Variants in NOD1 observed in about 807,000 individuals in gnomAD.
The protein encoded by NOD1 is nucleotide binding oligomerization domain containing 1.
Under a neutral mutation model 81.2 loss-of-function variants are expected in NOD1, and 70 were observed. That is an observed-to-expected ratio of 0.86 (90% CI 0.71 to 1.05). The LOEUF (loss-of-function observed/expected upper bound fraction) is 1.05. NOD1 is among the 50% of genes least tolerant of loss of function. The probability of loss-of-function intolerance (pLI) is 0.00; values close to 1 mark genes in which losing one functional copy is unlikely to be tolerated. For missense variants in NOD1, 1,233 were observed against 1,228.0 expected, an observed-to-expected ratio of 1.00 and a Z score of -0.06; for synonymous variants, 508 against 526.9, an observed-to-expected ratio of 0.96 and a Z score of 0.49.
chr7:30,452,801 C>A lies in NOD1; in HGVS notation c.616G>T (p.Val206Leu). Residue 206 changes from valine (V) to leucine (L), a missense_variant, in exon 6 of 14, where the codon GTG (valine) becomes TTG (leucine). Physicochemically the swap from Val to Leu is conservative, Grantham distance 32. Transcript: ENST00000222823. Reference protein sequence around the residue: ...ETIFILGDAGVGKSMLLQRLQ... With the variant: ...ETIFILGDAGLGKSMLLQRLQ... ...CGCTGTAGCAGCATGGACTTGCCCA[C>A]CCCAGCATCACCCAGGATGAAGATG... The A allele has an allele frequency of 6.2e-7, 1 of 1,614,174 alleles. No homozygotes were observed. Among genetic ancestry groups the A allele is most frequent in the South Asian group, 1.1e-5 (1 of 91,086 alleles).
intron 13 of NOD1, among the ~76,000 whole-genome samples, chr7:30,428,890 T>C (rs1356397790): frequency 6.6e-5 from 10 of 151,990 alleles, no homozygotes; most frequent in Non-Finnish European, 1.5e-4. Context: ...TCTATTAGCA[T>C]AAGGAAGTTC....
intron 13 of NOD1, among the ~76,000 whole-genome samples, chr7:30,428,343 G>A (rs1469306552): frequency 6.6e-6 from 1 of 151,908 alleles, no homozygotes; most frequent in East Asian, 1.9e-4. Context: ...TTACAGGCAT[G>A]AGCCACCATG....
chr7:30,448,356 C>T lies in NOD1; in HGVS notation c.2227G>A (p.Gly743Ser), dbSNP rs147294540. The stretch of plus-strand genomic sequence containing the variant: ...TCTTCGCTTAGCACCTTTACCCCAC[C>T]GTCAGTGATCTGGTTTACGCTGAGT... ...LRLSVNQITD[G>S]GVKVLSEELT... Residue 743 changes from glycine (G) to serine (S), a missense_variant, in exon 7 of 14, where the codon GGT becomes AGT. Transcript: ENST00000222823. 4.4e-5 allele frequency: 71 copies of T among 1,614,154 alleles called. No homozygotes were observed. Among genetic ancestry groups the T allele is most frequent in the East Asian group, 3.3e-4 (15 of 44,888 alleles).
At chr7:30,459,653 G>A (rs970334353) in intron 2 of NOD1, among the ~76,000 whole-genome samples, 5 of 152,124 alleles carry the variant, frequency 3.3e-5, no homozygotes, top group African/African-American at 7.2e-5. Context: ...CCAGGGTTGG[G>A]GCCTGTTTTC....
rs1291845296 is a variant in NOD1 at position 30,451,593 on chromosome 7, C to T, written c.1824G>A (p.Val608=). The stretch of plus-strand genomic sequence containing the variant: ...GCTTTCTCCTCAGGGCTGCCGCGGG[C>T]ACCAGATGCCGCAGGAGTTTCTGTT... ...KAKQKLLRHL[V]PAAALRRKRK... Residue 608 remains valine, a synonymous_variant, in exon 6 of 14, where the codon GTG becomes GTA. Coordinates refer to ENST00000222823, the MANE Select transcript of NOD1 (RefSeq NM_006092.4). The surrounding 1 kb of genome is among the most constrained non-coding windows in gnomAD (Gnocchi z 4.2). The T allele has an allele frequency of 6.8e-6, 11 of 1,613,668 alleles. No individual in the cohort carries two copies. Among genetic ancestry groups the T allele is most frequent in the Non-Finnish European group, 9.3e-6 (11 of 1,179,998 alleles).
In NOD1 at chr7:30,452,559, C is replaced by T. The variant is rs746739612; in HGVS notation, c.858G>A (p.Leu286=). ...GGTCCAAGTCCGAGTGCAGCTCGTC[C>T]AGGCCATCGAAGGTGAAGAGGGCCA... ...PHVALFTFDG[L]DELHSDLDLS... Residue 286 remains leucine (L), a synonymous_variant, in exon 6 of 14, where the codon CTG becomes CTA. Coordinates refer to ENST00000222823, the MANE Select transcript of NOD1 (RefSeq NM_006092.4). 18 of 1,613,142 alleles carry T rather than the reference C, an allele frequency of 1.1e-5. No homozygotes were observed. The Admixed American group carries it at 2.3e-4, about 21-fold the overall frequency.
intron 1 of NOD1, among the ~76,000 whole-genome samples, chr7:30,473,680 C>A (rs1358018433): frequency 6.6e-6 from 1 of 152,104 alleles, no homozygotes; most frequent in Non-Finnish European, 1.5e-5. Flanking sequence ...TCTTTGGAAG[C>A]AGGGGCTCTG....
intron 1 of NOD1, among the ~76,000 whole-genome samples, chr7:30,472,928 T>C (rs548005190): frequency 1.2e-4 from 18 of 152,246 alleles, no homozygotes; most frequent in Admixed American, 2.6e-4. Flanking sequence ...TTTCATTCAT[T>C]GCTGTAATCC....
At chr7:30,426,836 G>A (rs968147321) in intron 13 of NOD1, among the ~76,000 whole-genome samples, 2 of 152,030 alleles carry the variant, frequency 1.3e-5, no homozygotes, top group African/African-American at 2.4e-5. Context: ...TGTTCCCTAC[G>A]CAGAATACTC....
Position 30,447,030 on chromosome 7 carries a change from G to T in NOD1, c.2306C>A (p.Thr769Asn), listed in dbSNP as rs1785175412. Residue 769 changes from threonine to asparagine, a missense_variant, in exon 8 of 14, where the codon ACC (threonine) becomes AAC (asparagine). Physicochemically the swap from Thr to Asn is moderately conservative, Grantham distance 65. Coordinates refer to ENST00000222823, the MANE Select transcript of NOD1 (RefSeq NM_006092.4). ...TYLGLYNNQI[T>N]DVGARYVTKI... ...GGTGACGTACCTGGCTCCGACATCGGTGATCTGGTTGTTGTATAAACTTCA... is the reference window on the plus strand; with the variant it reads ...GGTGACGTACCTGGCTCCGACATCGTTGATCTGGTTGTTGTATAAACTTCA... 1 of 1,614,154 alleles carries T rather than the reference G, an allele frequency of 6.2e-7. No individual in the cohort carries two copies. The highest frequency in any genetic ancestry group is 2.2e-5 in the East Asian group (1 of 44,894).
rs558703010 is a variant in NOD1 at position 30,455,029 on chromosome 7, C to T, written c.376+108G>A. The T allele has an allele frequency of 3.7e-6, 4 of 1,085,558 alleles. No individual in the cohort carries two copies. In the South Asian group the frequency reaches 5.8e-5, roughly 16 times the overall value. 67.2% of individuals were successfully genotyped at this position (1,085,558 alleles called of 1,614,324 possible). On this transcript the variant is annotated intron_variant, in intron 5 of 13. Coordinates refer to ENST00000222823, the MANE Select transcript of NOD1 (RefSeq NM_006092.4). Reference sequence around the variant, plus strand: ...GTTCCTTTCTAAAATCAAAATAGCACCTGGGCCTGCTTCCTGAGGTGGCAC... The same window carrying T: ...GTTCCTTTCTAAAATCAAAATAGCATCTGGGCCTGCTTCCTGAGGTGGCAC...
intron 5 of NOD1, among the ~76,000 whole-genome samples, chr7:30,454,256 A>C (rs1199050288): frequency 2.0e-5 from 3 of 152,242 alleles, no homozygotes; most frequent in African/African-American, 7.2e-5. Context: ...TATGTTACCA[A>C]CAGCTGTCTC....
At chr7:30,439,146 C>T (rs975336211) in intron 9 of NOD1, among the ~76,000 whole-genome samples, 1 of 152,150 alleles carries the variant, frequency 6.6e-6, no homozygotes, top group African/African-American at 2.4e-5. Context: ...TAAAATGGTG[C>T]TGCTGCCGTG....
chr7:30,446,374 C>A, intron 8 of NOD1, 150 bp from the exon 9 acceptor site: 1 of 670,944 alleles, frequency 1.5e-6, no homozygotes, highest in Non-Finnish European at 2.7e-6. Context: ...CCTGGGCCTC[C>A]TGTCAGGGAG....
chr7:30,449,861 C>T (rs1336332579), intron 6 of NOD1, among the ~76,000 whole-genome samples: 1 of 152,164 alleles, frequency 6.6e-6, no homozygotes, highest in Non-Finnish European at 1.5e-5. Flanking sequence ...GCAGGAAGGG[C>T]AGGGCCACCA....
At position 30,448,347 on chromosome 7, in the gene NOD1, T is replaced by G; in HGVS notation, c.2236A>C (p.Lys746Gln). Residue 746 changes from lysine to glutamine, a missense_variant, in exon 7 of 14, where the codon AAG (lysine) becomes CAG (glutamine). Physicochemically the swap from Lys to Gln is moderately conservative, Grantham distance 53. Coordinates refer to ENST00000222823, the MANE Select transcript of NOD1 (RefSeq NM_006092.4). ...TTGGTCAGCTCTTCGCTTAGCACCT[T>G]TACCCCACCGTCAGTGATCTGGTTT... ...SVNQITDGGV[K>Q]VLSEELTKYK... 1.2e-6 allele frequency: 2 copies of G among 1,614,210 alleles called. No individual in the cohort carries two copies. Among genetic ancestry groups the G allele is most frequent in the Non-Finnish European group, 1.7e-6 (2 of 1,180,040 alleles).
Position 30,452,121 on chromosome 7 carries a change from A to T in NOD1, c.1296T>A (p.His432Gln). The stretch of plus-strand genomic sequence containing the variant: ...GGCTGCTGGGCTGCATCCTGTTCAG[A>T]TGGACCTCAGTGACCAGGAGGAAGA... ...TDVFLLVTEV[H>Q]LNRMQPSSLV... is the part of the protein sequence containing the mutation. The change falls in exon 6 of 14, where the codon CAT becomes CAA. Residue 432 changes from histidine (H) to glutamine (Q), a missense_variant. Coordinates refer to ENST00000222823, the MANE Select transcript of NOD1 (RefSeq NM_006092.4). 1 of 1,613,928 alleles carries T rather than the reference A, an allele frequency of 6.2e-7. No individual in the cohort carries two copies. Among genetic ancestry groups the T allele is most frequent in the African/African-American group, 1.3e-5 (1 of 75,042 alleles).
At chr7:30,477,710 C>T (rs1299819721) in intron 1 of NOD1, among the ~76,000 whole-genome samples, 3 of 146,874 alleles carry the variant, frequency 2.0e-5, no homozygotes, top group Non-Finnish European at 3.0e-5. Context: ...TTAGTAGAGA[C>T]GGTTTCACCA....
chr7:30,456,931 A>G lies in NOD1; in HGVS notation c.-10T>C. On this transcript the variant is annotated 5_prime_UTR_variant, in exon 4 of 14. Coordinates refer to ENST00000222823, the MANE Select transcript of NOD1 (RefSeq NM_006092.4). The stretch of plus-strand genomic sequence containing the variant: ...GGCCCTGCTCTTCCATAGTTAAAGT[A>G]GCAAGCGGCTACTTTTCCCAAATTC... The G allele has an allele frequency of 6.2e-7, 1 of 1,613,212 alleles. No homozygotes were observed. The highest frequency in any genetic ancestry group is 8.5e-7 in the Non-Finnish European group (1 of 1,179,148).
Sources: gnomAD v4.1 joint callset for allele counts (sites outside exome capture counted in the v4.1 genomes callset) on GRCh38, gnomAD v4.1.1 for gene constraint, Gnocchi (gnomAD v3.1) non-coding constraint, MANE v1.5 for transcripts, NCBI Gene and HGNC (gene_info 2026-07-23, HGNC 2026-07-21) for gene names.